Variants in ZNF549 observed in about 807,000 individuals in gnomAD.
ZNF549 encodes the protein zinc finger protein 549.
A neutral mutation model predicts 11.1 loss-of-function variants in ZNF549; 11 were observed. That is an observed-to-expected ratio of 0.99 (90% confidence interval 0.62 to 1.64). The LOEUF is 1.64. ZNF549 is among the 40% of genes most tolerant of loss of function. The pLI is 0.00. For synonymous variants in ZNF549, 266 were observed against 269.1 expected (o/e 0.99, Z 0.11); for missense variants, 748 against 765.1 (o/e 0.98, Z 0.26).
In ZNF549 at chr19:57,540,258, T is replaced by C. The variant is rs138357937; in HGVS notation, c.*1331T>C. The C allele has an allele frequency of 1.9e-3, 297 of 152,374 alleles. 1 individual carries two copies. Among genetic ancestry groups the C allele is most frequent in the African/African-American group, 6.8e-3 (281 of 41,586 alleles). 9.4% of individuals were successfully genotyped at this position (152,374 alleles called of 1,614,324 possible). On this transcript the variant is annotated 3_prime_UTR_variant, in exon 4 of 4. Transcript: ENST00000376233. ...TTGTGAGGAGATGAATCCTTAATAA[T>C]AAGTAAATCTTGTGTTATCCTATAG...
Position 57,539,003 on chromosome 19 carries a change from A to G in ZNF549, c.*76A>G. ...TGATTTTTCAAGGGATCCAACAGAC[A>G]GAAATTCACCCTCATACATCTGCAT... On this transcript the variant is annotated 3_prime_UTR_variant, in exon 4 of 4. Transcript: ENST00000376233. The G allele has an allele frequency of 6.8e-7, 1 of 1,470,392 alleles. No homozygotes were observed. The highest frequency in any genetic ancestry group is 9.1e-7 in the Non-Finnish European group (1 of 1,100,622). The allele number at this position is 1,470,392 out of a possible 1,614,324, so 91.1% of individuals were successfully genotyped here.
chr19:57,529,534 C>T (rs1377754956), intron 1 of ZNF549, among the ~76,000 whole-genome samples: 1 of 152,210 alleles, frequency 6.6e-6, no homozygotes, highest in Non-Finnish European at 1.5e-5. Context: ...GTACTATTCA[C>T]CCTTGTGATG....
chr19:57,535,184 A>G lies in ZNF549; in HGVS notation c.113A>G (p.Gln38Arg). 6.2e-7 allele frequency: 1 copy of G among 1,614,108 alleles called. No individual in the cohort carries two copies. Among genetic ancestry groups the G allele is most frequent in the African/African-American group, 1.3e-5 (1 of 75,048 alleles). Residue 38 changes from glutamine to arginine, a missense_variant, in exon 3 of 4, where the codon CAG becomes CGG. Coordinates refer to ENST00000376233, the MANE Select transcript of ZNF549 (RefSeq NM_001199295.2). ...GAGGATATTGCTGTGTACTTCTCCC[A>G]GGAGGAGTGGGGCCTCCTTGATGAA... Reference protein sequence around the residue: ...TFEDIAVYFSQEEWGLLDEAQ... With the variant: ...TFEDIAVYFSREEWGLLDEAQ...
At chr19:57,529,040 C>T (rs1002677222) in intron 1 of ZNF549, among the ~76,000 whole-genome samples, 2 of 152,108 alleles carry the variant, frequency 1.3e-5, no homozygotes, top group Non-Finnish European at 2.9e-5. Flanking sequence ...TTTACTGTAC[C>T]TTTTCATTTT....
intron 2 of ZNF549, 100 bp downstream of exon 2, chr19:57,531,208 C>G: frequency 7.4e-7 from 1 of 1,354,176 alleles, no homozygotes; most frequent in Non-Finnish European, 1.0e-6. Flanking sequence ...GACTCTTTTT[C>G]CTTCATCTTG....
intron 3 of ZNF549, 50 bp from the exon 4 acceptor site, chr19:57,537,154 C>G (rs749418887): frequency 1.3e-6 from 2 of 1,558,160 alleles, no homozygotes; most frequent in East Asian, 2.3e-5. Context: ...TGGAGCTGTT[C>G]CCTTCTACCA....
At chr19:57,537,115 C>T in intron 3 of ZNF549, 89 bp from the exon 4 acceptor site, 2 of 1,440,488 alleles carry the variant, frequency 1.4e-6, no homozygotes, top group Non-Finnish European at 1.9e-6. Context: ...ATGGACTCGT[C>T]CCTCCCTGTG....
At chr19:57,528,449 G>C (rs748499700) in intron 1 of ZNF549, among the ~76,000 whole-genome samples, 28 of 152,192 alleles carry the variant, frequency 1.8e-4, no homozygotes, top group Non-Finnish European at 2.4e-4. Context: ...CTGGGGCGTA[G>C]ACTCAAGCCA....
rs1398300623 is a variant in ZNF549, at chr19:57,539,002, C to T, written c.*75C>T. 1.4e-6 allele frequency: 2 copies of T among 1,464,568 alleles called. No individual in the cohort carries two copies. The highest frequency in any genetic ancestry group is 4.2e-5 in the Admixed American group (2 of 47,146). The allele number at this position is 1,464,568 out of a possible 1,614,324, so 90.7% of individuals were successfully genotyped here. A position where few individuals can be genotyped will look rare whatever the true frequency, so the allele number is the denominator to read the frequency against. Reference sequence around the variant, plus strand: ...CTGATTTTTCAAGGGATCCAACAGACAGAAATTCACCCTCATACATCTGCA... The same window carrying T: ...CTGATTTTTCAAGGGATCCAACAGATAGAAATTCACCCTCATACATCTGCA... On this transcript the variant is annotated 3_prime_UTR_variant, in exon 4 of 4. Coordinates refer to ENST00000376233, the MANE Select transcript of ZNF549 (RefSeq NM_001199295.2).
intron 2 of ZNF549, among the ~76,000 whole-genome samples, chr19:57,531,986 C>G (rs376495082): frequency 5.3e-5 from 8 of 152,210 alleles, no homozygotes; most frequent in Admixed American, 1.3e-4. Context: ...ACATTTTATT[C>G]TAAGCACCGC....
chr19:57,527,439 G>A lies in ZNF549; in HGVS notation c.-135G>A, dbSNP rs1334351005. On this transcript the variant is annotated 5_prime_UTR_variant, in exon 1 of 4. It adds an upstream start codon to the 5' untranslated region. Transcript: ENST00000376233. ...GCCAGGTAACTGGAGCCGGAAACCGGTGGAGGTGGTGTCCGCCCGCAGAGG... is the reference window on the plus strand; with the variant it reads ...GCCAGGTAACTGGAGCCGGAAACCGATGGAGGTGGTGTCCGCCCGCAGAGG... The A allele has an allele frequency of 7.9e-7, 1 of 1,264,874 alleles. No homozygotes were observed. The highest frequency in any genetic ancestry group is 1.1e-6 in the Non-Finnish European group (1 of 895,684). 78.4% of individuals were successfully genotyped at this position (1,264,874 alleles called of 1,614,324 possible). A position where few individuals can be genotyped will look rare whatever the true frequency, so the allele number is the denominator to read the frequency against.
At position 57,531,205 on chromosome 19, in the gene ZNF549, T is replaced by C. The variant is rs1033251911; in HGVS notation, c.72+97T>C. ...GTAACAATAATGTCCTGGGACTCTT[T>C]TTCCTTCATCTTGGGTCCCTGGGGC... is the stretch of plus-strand genomic sequence containing the variant. On this transcript the variant is annotated intron_variant, in intron 2 of 3. Coordinates refer to ENST00000376233, the MANE Select transcript of ZNF549 (RefSeq NM_001199295.2). The C allele has an allele frequency of 3.6e-6, 5 of 1,378,968 alleles. No individual in the cohort carries two copies. The African/African-American group carries it at 5.7e-5, about 16-fold the overall frequency. 85.4% of individuals were successfully genotyped at this position (1,378,968 alleles called of 1,614,324 possible).
At chr19:57,530,439 A>G (rs1484993918) in intron 1 of ZNF549, among the ~76,000 whole-genome samples, 5 of 152,152 alleles carry the variant, frequency 3.3e-5, no homozygotes, top group African/African-American at 1.2e-4. Context: ...TGGTAAACAT[A>G]AGTAAAATAT....
In ZNF549 at chr19:57,537,602, C is replaced by G; in HGVS notation, c.598C>G (p.His200Asp). The change falls in exon 4 of 4, where the codon CAC becomes GAC. Residue 200 changes from histidine (H) to aspartate (D), a missense_variant. His to Asp is a moderately conservative substitution (Grantham distance 81). Coordinates refer to ENST00000376233, the MANE Select transcript of ZNF549 (RefSeq NM_001199295.2). ...TCCAACCATCCTGGGCCTTCTCCAACACCAGACCACCCACAGCAGACAAGA... is the reference window on the plus strand; with the variant it reads ...TCCAACCATCCTGGGCCTTCTCCAAGACCAGACCACCCACAGCAGACAAGA... ...DFPTILGLLQ[H>D]QTTHSRQEYA... 2 of 1,614,206 alleles carry G rather than the reference C, an allele frequency of 1.2e-6. No homozygotes were observed. Among genetic ancestry groups the G allele is most frequent in the Non-Finnish European group, 1.7e-6 (2 of 1,180,036 alleles).
At chr19:57,530,402 TC>T (rs2089899261) in intron 1 of ZNF549, among the ~76,000 whole-genome samples, 1 of 152,192 alleles carries the variant, frequency 6.6e-6, no homozygotes, top group Admixed American at 6.5e-5. Flanking sequence ...ATTTGGCTGT[TC>T]CTGAGTTACA....
rs2089948788 is a variant in ZNF549 at position 57,540,137 on chromosome 19, G to A, written c.*1210G>A. On this transcript the variant is annotated 3_prime_UTR_variant, in exon 4 of 4. Coordinates refer to ENST00000376233, the MANE Select transcript of ZNF549 (RefSeq NM_001199295.2). The stretch of plus-strand genomic sequence containing the variant: ...CATACACCTTGCCTTCCAGATATGT[G>A]GTTTTTGTGATTCACCCAGATCTGT... The A allele has an allele frequency of 6.6e-6, 1 of 152,152 alleles. No homozygotes were observed. The highest frequency in any genetic ancestry group is 1.5e-5 in the Non-Finnish European group (1 of 68,026). The allele number at this position is 152,152 out of a possible 1,614,324, so 9.4% of individuals were successfully genotyped here. A position where few individuals can be genotyped will look rare whatever the true frequency, so the allele number is the denominator to read the frequency against.
intron 3 of ZNF549, chr19:57,535,476 G>C (rs561094619): frequency 1.6e-6 from 1 of 619,520 alleles, no homozygotes; most frequent in African/African-American, 1.8e-5. Context: ...TTAGTTAAGA[G>C]TTTGGGTTCA....
In ZNF549 at chr19:57,538,482, A is replaced by G; in HGVS notation, c.1478A>G (p.Lys493Arg). The G allele has an allele frequency of 1.2e-6, 2 of 1,613,894 alleles. No individual in the cohort carries two copies. The highest frequency in any genetic ancestry group is 1.7e-6 in the Non-Finnish European group (2 of 1,179,968). The part of the protein sequence containing the change: ...ISKQTLLKHH[K>R]IHTRERPYEC... ...AAACAAACACTTCTTAAGCATCACA[A>G]AATCCACACTAGAGAAAGGCCTTAT... Residue 493 changes from lysine to arginine, a missense_variant, in exon 4 of 4, where the codon AAA becomes AGA. Coordinates refer to ENST00000376233, the MANE Select transcript of ZNF549 (RefSeq NM_001199295.2).
In ZNF549 at chr19:57,527,676, C is replaced by G. The variant is rs541563584; in HGVS notation, c.33+70C>G. ...GGACTGGGGTCACCTGCGTGGGTCT[C>G]TGCAGTTCAGGCCTCTTCTCCAGGA... On this transcript the variant is annotated intron_variant, in intron 1 of 3. Transcript: ENST00000376233. 48 of 1,571,146 alleles carry G rather than the reference C, an allele frequency of 3.1e-5. No homozygotes were observed. In the African/African-American group the frequency reaches 5.8e-4, roughly 19 times the overall value.
Sources: gnomAD v4.1 joint callset for allele counts (sites outside exome capture counted in the v4.1 genomes callset) on GRCh38, gnomAD v4.1.1 for gene constraint, MANE v1.5 for transcripts, NCBI Gene and HGNC (gene_info 2026-07-23, HGNC 2026-07-21) for gene names.